JPT1: variants seen among roughly 807,000 people sequenced by gnomAD.
The protein encoded by JPT1 is androgen-regulated protein 2.
In JPT1, 5 loss-of-function variants were observed where a neutral mutation model predicts 17.0. The ratio of observed to expected loss-of-function variants is 0.29; its 90% CI spans 0.15 to 0.62. The LOEUF (loss-of-function observed/expected upper bound fraction) is 0.62. JPT1 is among the 20% of genes least tolerant of loss of function. The pLI is 0.85. For missense variants in JPT1, 158 were observed against 188.1 expected, an observed-to-expected ratio of 0.84 and a Z score of 0.94; for synonymous variants, 71 against 73.6, an observed-to-expected ratio of 0.96 and a Z score of 0.18.
At chr17:75,147,968 T>C (rs569264895) in intron 2 of JPT1, 45 of 306,516 alleles carry the variant, frequency 1.5e-4, no homozygotes, top group African/African-American at 8.8e-4. Flanking sequence ...CACTGCACTC[T>C]GTACTCCAGC....
intron 1 of JPT1, among the ~76,000 whole-genome samples, chr17:75,152,182 C>T (rs2074565041): frequency 6.6e-6 from 1 of 152,126 alleles, no homozygotes; most frequent in Non-Finnish European, 1.5e-5. Context: ...CAGAAAGTAT[C>T]TCAATGTTTT....
chr17:75,152,099 C>T (rs1274854308), intron 1 of JPT1, among the ~76,000 whole-genome samples: 2 of 152,132 alleles, frequency 1.3e-5, no homozygotes, highest in Non-Finnish European at 2.9e-5. Context: ...GTAACCAACT[C>T]GGATGACGTC....
Position 75,154,418 on chromosome 17 carries a change from G to A in JPT1, c.-21C>T, listed in dbSNP as rs1338655340. 1.9e-6 allele frequency: 3 copies of A among 1,546,946 alleles called. No individual in the cohort carries two copies. Among genetic ancestry groups the A allele is most frequent in the Non-Finnish European group, 2.6e-6 (3 of 1,145,316 alleles). On this transcript the variant is annotated 5_prime_UTR_variant, in exon 1 of 5. Coordinates refer to ENST00000409753, the MANE Select transcript of JPT1 (RefSeq NM_016185.4). Reference sequence around the variant, plus strand: ...GTCATGGCGCCGAGGAGCGAGGTAGGCTGGCGCCGGAGCAGAACGCTCAAA... The same window carrying A: ...GTCATGGCGCCGAGGAGCGAGGTAGACTGGCGCCGGAGCAGAACGCTCAAA...
At position 75,154,428 on chromosome 17, in the gene JPT1, G is replaced by C; in HGVS notation, c.-31C>G. On this transcript the variant is annotated 5_prime_UTR_variant, in exon 1 of 5. Transcript: ENST00000409753. The stretch of plus-strand genomic sequence containing the variant: ...CGAGGAGCGAGGTAGGCTGGCGCCG[G>C]AGCAGAACGCTCAAAGGGTCGGACC... 1.3e-6 allele frequency: 2 copies of C among 1,545,466 alleles called. No individual in the cohort carries two copies. Among genetic ancestry groups the C allele is most frequent in the Non-Finnish European group, 1.7e-6 (2 of 1,144,502 alleles).
At chr17:75,141,635 G>C (rs2074310555) in intron 4 of JPT1, among the ~76,000 whole-genome samples, 1 of 150,676 alleles carries the variant, frequency 6.6e-6, no homozygotes, top group Non-Finnish European at 1.5e-5. Flanking sequence ...CCTGGCGACA[G>C]AGTGAGACTC....
intron 4 of JPT1, among the ~76,000 whole-genome samples, chr17:75,142,453 G>T (rs2074332469): frequency 6.6e-6 from 1 of 150,904 alleles, no homozygotes; most frequent in South Asian, 2.1e-4. Flanking sequence ...CAGCTACGCA[G>T]GGAGGCTGAG....
At chr17:75,137,991 ATGT>A (rs1277494646) in intron 4 of JPT1, among the ~76,000 whole-genome samples, 3 of 148,764 alleles carry the variant, frequency 2.0e-5, no homozygotes, top group African/African-American at 7.5e-5. Flanking sequence ...AGTTTCACAC[ATGT>A]TGTCCAGGCT....
chr17:75,151,291 A>G (rs924348611), intron 1 of JPT1, among the ~76,000 whole-genome samples: 1 of 152,094 alleles, frequency 6.6e-6, no homozygotes, highest in African/African-American at 2.4e-5. Context: ...AGCTAAGATC[A>G]CACCACTGCA....
chr17:75,149,674 GTAAA>G (rs1040694183), intron 1 of JPT1, among the ~76,000 whole-genome samples: 20 of 152,044 alleles, frequency 1.3e-4, no homozygotes, highest in African/African-American at 2.2e-4. Context: ...GCCAAAAAAA[GTAAA>G]TAAATTTTAA....
chr17:75,136,099 G>A lies in JPT1; in HGVS notation c.*3C>T, dbSNP rs764675064. The stretch of plus-strand genomic sequence containing the variant: ...AGAACGACAGCGTTCAGGACAGTCA[G>A]AGCTAACCCAAGACGAGGCTGGACT... On this transcript the variant is annotated 3_prime_UTR_variant, in exon 5 of 5. Transcript: ENST00000409753. The A allele has an allele frequency of 1.1e-5, 17 of 1,614,256 alleles. No homozygotes were observed. Among genetic ancestry groups the A allele is most frequent in the Middle Eastern group, 3.3e-4 (2 of 6,062 alleles).
At position 75,147,765 on chromosome 17, in the gene JPT1, G is replaced by A. The variant is rs150914330; in HGVS notation, c.200-112C>T. 395 of 753,346 alleles carry A rather than the reference G, an allele frequency of 5.2e-4. 2 individuals carry two copies. In the African/African-American group the frequency reaches 5.7e-3, roughly 11 times the overall value. The allele number at this position is 753,346 out of a possible 1,614,324, so 46.7% of individuals were successfully genotyped here. A position where few individuals can be genotyped will look rare whatever the true frequency, so the allele number is the denominator to read the frequency against. On this transcript the variant is annotated intron_variant, in intron 2 of 4. Transcript: ENST00000409753. ...TGTAATCTCAGTGCTTTAGGAGGCC[G>A]AGGCGGGCAGATCACCTGAGGTCAG...
intron 4 of JPT1, among the ~76,000 whole-genome samples, chr17:75,140,197 T>C (rs1305605705): frequency 6.6e-6 from 1 of 152,030 alleles, no homozygotes; most frequent in Admixed American, 6.6e-5. Context: ...ATTACAGGCA[T>C]GAGCCACCGC....
chr17:75,152,818 CAGAA>C (rs2074575010), intron 1 of JPT1: 1 of 152,150 alleles, frequency 6.6e-6, no homozygotes, highest in Non-Finnish European at 1.5e-5. Flanking sequence ...GGAAAGAAAA[CAGAA>C]AGGGAGCGAC....
chr17:75,136,359 T>A (rs1370561701), intron 4 of JPT1, 109 bp from the exon 5 acceptor site: 1 of 1,078,550 alleles, frequency 9.3e-7, no homozygotes, highest in Non-Finnish European at 1.3e-6. Context: ...GTTGGAAACA[T>A]ACCTAAAAGC....
At chr17:75,142,390 T>C (rs2074331134) in intron 4 of JPT1, among the ~76,000 whole-genome samples, 2 of 150,434 alleles carry the variant, frequency 1.3e-5, no homozygotes, top group South Asian at 4.3e-4. Flanking sequence ...TGAAACTCTG[T>C]CTCTACTAAT....
Position 75,154,430 on chromosome 17 carries a change from G to A in JPT1, c.-33C>T, listed in dbSNP as rs1263807138. The A allele has an allele frequency of 6.5e-6, 10 of 1,544,804 alleles. No individual in the cohort carries two copies. The highest frequency in any genetic ancestry group is 8.7e-6 in the Non-Finnish European group (10 of 1,144,182). On this transcript the variant is annotated 5_prime_UTR_variant, in exon 1 of 5. Coordinates refer to ENST00000409753, the MANE Select transcript of JPT1 (RefSeq NM_016185.4). ...AGGAGCGAGGTAGGCTGGCGCCGGA[G>A]CAGAACGCTCAAAGGGTCGGACCCG...
chr17:75,136,827 C>T (rs2074207608), intron 4 of JPT1, among the ~76,000 whole-genome samples: 1 of 152,140 alleles, frequency 6.6e-6, no homozygotes, highest in African/African-American at 2.4e-5. Context: ...ACAGGGAACT[C>T]TAGCTCTACG....
intron 1 of JPT1, among the ~76,000 whole-genome samples, chr17:75,150,947 A>G (rs1413572094): frequency 1.5e-5 from 2 of 137,720 alleles, no homozygotes; most frequent in Admixed American, 8.4e-5. Flanking sequence ...TCCGCCTCCC[A>G]GGTTTACACC....
intron 4 of JPT1, among the ~76,000 whole-genome samples, chr17:75,144,364 T>A (rs758086865): frequency 6.6e-5 from 10 of 151,452 alleles, no homozygotes; most frequent in Admixed American, 6.6e-4. Flanking sequence ...AGAAAAAAAA[T>A]TAGCCAGGCA....
Sources: allele counts gnomAD v4.1 joint callset (sites outside exome capture counted in the v4.1 genomes callset), GRCh38; gene constraint gnomAD v4.1.1; transcripts MANE v1.5; gene names NCBI Gene and HGNC (gene_info 2026-07-23, HGNC 2026-07-21).